Variants in NAA35 observed in about 807,000 individuals in gnomAD.
NAA35 encodes N-alpha-acetyltransferase 35, NatC auxiliary subunit, also known as MAK10 homolog, amino-acid N-acetyltransferase subunit.
In NAA35, 18 loss-of-function variants were observed where a neutral mutation model predicts 101.7. That is an observed-to-expected ratio of 0.18 (90% CI 0.12 to 0.26). The LOEUF is 0.26. Ranked by LOEUF, NAA35 falls within the 10% of genes least tolerant of loss-of-function variation. NAA35 has a pLI of 1.00. For synonymous variants in NAA35, 267 were observed against 273.1 expected (o/e 0.98, Z 0.22); for missense variants, 601 against 886.8 (o/e 0.68, Z 4.09).
Position 86,022,293 on chromosome 9 carries a change from A to C in NAA35, c.*333A>C, listed in dbSNP as rs1394198687. The C allele has an allele frequency of 5.5e-6, 1 of 181,320 alleles. No homozygotes were observed. The highest frequency in any genetic ancestry group is 1.1e-5 in the Non-Finnish European group (1 of 88,264). The allele number at this position is 181,320 out of a possible 1,614,324, so 11.2% of individuals were successfully genotyped here. A position where few individuals can be genotyped will look rare whatever the true frequency, so the allele number is the denominator to read the frequency against. On this transcript the variant is annotated 3_prime_UTR_variant, in exon 23 of 23. Transcript: ENST00000361671. ...AAGGTTAATAAATTTCTTGACAAAA[A>C]AAAAATGCACTGCTGGAGATGAAAA...
intron 6 of NAA35, among the ~76,000 whole-genome samples, chr9:85,965,110 G>A (rs939771968): frequency 5.9e-5 from 9 of 152,098 alleles, no homozygotes; most frequent in African/African-American, 2.2e-4. Context: ...AATTCTTAAC[G>A]ACTTCAGAAA....
At chr9:85,956,115 T>G (rs1829263886) in intron 2 of NAA35, among the ~76,000 whole-genome samples, 2 of 152,196 alleles carry the variant, frequency 1.3e-5, no homozygotes, top group African/African-American at 4.8e-5. Context: ...CTGCGATGGG[T>G]CACTTATTCT....
rs1369982121 is a variant in NAA35 at position 86,003,570 on chromosome 9, T to G, written c.1057-15T>G. ...ATCTATTAATGACATTGCTTTTTCT[T>G]TATATATCTGTTAGGATTTTTTCTG... is the stretch of plus-strand genomic sequence containing the variant. On this transcript the variant is annotated splice_polypyrimidine_tract_variant and intron_variant, in intron 12 of 22. Coordinates refer to ENST00000361671, the MANE Select transcript of NAA35 (RefSeq NM_024635.4). 1.9e-6 allele frequency: 3 copies of G among 1,544,026 alleles called. No homozygotes were observed. The highest frequency in any genetic ancestry group is 2.7e-6 in the Non-Finnish European group (3 of 1,125,470).
intron 12 of NAA35, 85 bp from the exon 13 acceptor site, chr9:86,003,500 C>G: frequency 1.6e-6 from 1 of 638,126 alleles, no homozygotes; most frequent in Non-Finnish European, 2.7e-6. Context: ...TCCAGAAGGT[C>G]TAGTAAAAAT....
rs1243565113 is a variant in NAA35 at position 86,001,111 on chromosome 9, ACTT to A, written c.1057-2470_1057-2468del. 5.9e-5 allele frequency among the ~76,000 whole-genome samples: 9 copies of A among 152,226 alleles called. No individual in the cohort carries two copies. In the East Asian group the frequency reaches 1.7e-3, roughly 29 times the overall value. On this transcript the variant is annotated intron_variant, in intron 12 of 22. Transcript: ENST00000361671. ...TCTTTGTTCTCATTATTTTCAAAGA[ACTT>A]CTTGATTTCTGCCTTAATTTCATTA...
intron 21 of NAA35, 25 bp from the exon 22 acceptor site, chr9:86,020,864 C>G (rs1243019881): frequency 6.5e-7 from 1 of 1,548,958 alleles, no homozygotes; most frequent in Non-Finnish European, 8.9e-7. Context: ...GTTAATGTTT[C>G]AGTAGTTTTA....
At chr9:86,002,554 T>C (rs1831461811) in intron 12 of NAA35, among the ~76,000 whole-genome samples, 1 of 152,124 alleles carries the variant, frequency 6.6e-6, no homozygotes, top group Non-Finnish European at 1.5e-5. Flanking sequence ...TTTTCATTCC[T>C]TTTTCTTCTT....
intron 17 of NAA35, 50 bp downstream of exon 17, chr9:86,013,947 T>G (rs1832076430): frequency 7.5e-7 from 1 of 1,332,032 alleles, no homozygotes; most frequent in Non-Finnish European, 1.0e-6. Context: ...ATGGATAAGA[T>G]CTGAGAATTC....
intron 6 of NAA35, among the ~76,000 whole-genome samples, chr9:85,962,699 A>G (rs961436118): frequency 4.6e-5 from 7 of 152,158 alleles, no homozygotes; most frequent in African/African-American, 1.7e-4. Context: ...TCATCTTAGC[A>G]TATGTTCTTT....
At chr9:85,949,571 G>A (rs1158435054) in intron 2 of NAA35, among the ~76,000 whole-genome samples, 1 of 152,106 alleles carries the variant, frequency 6.6e-6, no homozygotes, top group Non-Finnish European at 1.5e-5. Flanking sequence ...GGGATTACAG[G>A]CGTGAGCCAC....
intron 2 of NAA35, among the ~76,000 whole-genome samples, chr9:85,947,179 A>C (rs953343127): frequency 1.3e-5 from 2 of 152,160 alleles, no homozygotes. Context: ...TGGACACTGA[A>C]ATTATGTTGA....
intron 2 of NAA35, among the ~76,000 whole-genome samples, chr9:85,946,667 A>C (rs1214525161): frequency 6.8e-6 from 1 of 146,864 alleles, no homozygotes. Flanking sequence ...AAACGTTATG[A>C]GATTTTTTTT....
chr9:85,942,975 C>A (rs572522769), intron 2 of NAA35, among the ~76,000 whole-genome samples: 8 of 152,254 alleles, frequency 5.3e-5, no homozygotes, highest in Non-Finnish European at 1.0e-4. Context: ...TTTTTATTTT[C>A]TTCATACAGC....
At chr9:86,016,971 T>C (rs899950938) in intron 18 of NAA35, among the ~76,000 whole-genome samples, 1 of 152,206 alleles carries the variant, frequency 6.6e-6, no homozygotes, top group Non-Finnish European at 1.5e-5. Flanking sequence ...CAGTGACCTA[T>C]TGACAGAGCC....
rs187792537 is a variant in NAA35, at chr9:85,973,598, G to A, written c.517-1369G>A. ...TTTCAGCCTGAGCAACTCTAGATAGGTAGTAGTGCCATTTAGTGGTATGGT... is the reference window on the plus strand; with the variant it reads ...TTTCAGCCTGAGCAACTCTAGATAGATAGTAGTGCCATTTAGTGGTATGGT... On this transcript the variant is annotated intron_variant, in intron 6 of 22. Coordinates refer to ENST00000361671, the MANE Select transcript of NAA35 (RefSeq NM_024635.4). 2.9e-3 allele frequency among the ~76,000 whole-genome samples: 436 copies of A among 152,302 alleles called. 5 individuals carry two copies. The South Asian group carries it at 0.033, about 12-fold the overall frequency.
At chr9:85,962,686 CT>C (rs1829572681) in intron 6 of NAA35, among the ~76,000 whole-genome samples, 1 of 152,066 alleles carries the variant, frequency 6.6e-6, no homozygotes, top group African/African-American at 2.4e-5. Flanking sequence ...CAAGAAAGGG[CT>C]TTCATCTTAG....
chr9:86,014,800 G>T (rs939168159), intron 17 of NAA35, among the ~76,000 whole-genome samples: 6 of 152,168 alleles, frequency 3.9e-5, no homozygotes, highest in African/African-American at 1.4e-4. Context: ...ATAGCAGTAT[G>T]AGAATAATTT....
chr9:86,025,237 C>T lies in NAA35; in HGVS notation c.*3277C>T, dbSNP rs145451274. Among the ~76,000 whole-genome samples the T allele has an allele frequency of 6.6e-6, 1 of 152,198 alleles. No homozygotes were observed. The highest frequency in any genetic ancestry group is 1.9e-4 in the East Asian group (1 of 5,160). ...AGCAGAATGAGGGCCATATGCCGCTCAGAGGCCATTAAGAGAAGGACTGAA... is the reference window on the plus strand; with the variant it reads ...AGCAGAATGAGGGCCATATGCCGCTTAGAGGCCATTAAGAGAAGGACTGAA... On this transcript the variant is annotated 3_prime_UTR_variant, in exon 23 of 23. Coordinates refer to ENST00000361671, the MANE Select transcript of NAA35 (RefSeq NM_024635.4).
At chr9:86,003,532 T>C (rs1831503398) in intron 12 of NAA35, 53 bp from the exon 13 acceptor site, 2 of 1,088,604 alleles carry the variant, frequency 1.8e-6, no homozygotes, top group South Asian at 1.5e-5. Context: ...GAAGTGTTTT[T>C]AGCTTTTATT....
Sources: allele counts gnomAD v4.1 joint callset (sites outside exome capture counted in the v4.1 genomes callset), GRCh38; gene constraint gnomAD v4.1.1; transcripts MANE v1.5; gene names NCBI Gene and HGNC (gene_info 2026-07-23, HGNC 2026-07-21).